GDE1: variants seen among roughly 807,000 people sequenced by gnomAD.
The protein encoded by GDE1 is RGS16-interacting membrane protein.
A neutral mutation model predicts 32.2 loss-of-function variants in GDE1; 24 were observed. The observed-to-expected ratio is 0.75, with a 90% CI of 0.54 to 1.05. GDE1 has a LOEUF of 1.05. Ranked by LOEUF, GDE1 falls within the 50% of genes least tolerant of loss-of-function variation. The pLI is 0.00. For synonymous variants in GDE1, 159 were observed against 158.6 expected, an observed-to-expected ratio of 1.00 and a Z score of -0.02; for missense variants, 380 against 415.0, an observed-to-expected ratio of 0.92 and a Z score of 0.73.
intron 2 of GDE1, among the ~76,000 whole-genome samples, chr16:19,516,237 T>C (rs558948090): frequency 6.6e-6 from 1 of 152,242 alleles, no homozygotes; most frequent in South Asian, 2.1e-4. Context: ...TTGAAAGACA[T>C]TGGGGGCAGC....
chr16:19,504,835 C>G, intron 5 of GDE1, 46 bp downstream of exon 5: 1 of 1,174,990 alleles, frequency 8.5e-7, no homozygotes, highest in Non-Finnish European at 1.2e-6. Flanking sequence ...CAAATAAGAG[C>G]ATTCAGGATG....
intron 4 of GDE1, among the ~76,000 whole-genome samples, chr16:19,506,193 A>G (rs1056281027): frequency 3.3e-5 from 5 of 152,098 alleles, no homozygotes; most frequent in African/African-American, 1.2e-4. Flanking sequence ...AAATAAAGAG[A>G]AAAAAATATT....
chr16:19,507,840 C>A, intron 3 of GDE1, 61 bp from the exon 4 acceptor site: 1 of 761,026 alleles, frequency 1.3e-6, no homozygotes, highest in South Asian at 1.6e-5. Context: ...TAGCCCCAGC[C>A]AATAACTATC....
Position 19,509,554 on chromosome 16 carries a change from C to T in GDE1, c.543+1285G>A, listed in dbSNP as rs1412270555. 5.3e-5 allele frequency among the ~76,000 whole-genome samples: 8 copies of T among 152,064 alleles called. No individual in the cohort carries two copies. The East Asian group carries it at 1.5e-3, about 29-fold the overall frequency. On this transcript the variant is annotated intron_variant, in intron 3 of 5. Transcript: ENST00000353258. ...AATTGGAAAACCTAGACGTATACAA[C>T]TATCGGTTTACTAGAATAATAAATT...
In GDE1 at chr16:19,521,909, A is replaced by T; in HGVS notation, c.56T>A (p.Leu19Gln). ...GLLGPFSFLL[L>Q]VLLLVTRSPV... ...GCTCCGCGTCACCAGCAGCAGCACT[A>T]GCAGCAGGAAGGAGAAAGGGCCCAG... The change falls in exon 1 of 6, where the codon CTA (leucine) becomes CAA (glutamine). Residue 19 changes from leucine (L) to glutamine (Q), a missense_variant. Physicochemically the swap from Leu to Gln is moderately radical, Grantham distance 113 (BLOSUM62 -2). Transcript: ENST00000353258. 6.3e-7 allele frequency: 1 copy of T among 1,594,668 alleles called. No individual in the cohort carries two copies. The highest frequency in any genetic ancestry group is 1.3e-5 in the African/African-American group (1 of 74,868).
At chr16:19,517,229 C>G (rs1597237421) in intron 1 of GDE1, 40 bp from the exon 2 acceptor site, 3 of 1,535,178 alleles carry the variant, frequency 2.0e-6, no homozygotes, top group Non-Finnish European at 2.7e-6. Flanking sequence ...CAAATGGCCA[C>G]AAACATTATT....
chr16:19,506,362 T>G (rs953798671), intron 4 of GDE1, among the ~76,000 whole-genome samples: 7 of 151,946 alleles, frequency 4.6e-5, no homozygotes, highest in African/African-American at 7.3e-5. Context: ...GTTTTAAGAT[T>G]TACAGTTGCC....
At chr16:19,508,174 C>A (rs1253793990) in intron 3 of GDE1, among the ~76,000 whole-genome samples, 2 of 152,092 alleles carry the variant, frequency 1.3e-5, no homozygotes, top group African/African-American at 4.8e-5. Context: ...GAAACATGAG[C>A]CAGCCAGTCT....
Position 19,503,558 on chromosome 16 carries a change from G to C in GDE1, c.908C>G (p.Thr303Ser), listed in dbSNP as rs758037720. The change falls in exon 6 of 6, where the codon ACC becomes AGC. Residue 303 changes from threonine (T) to serine (S), a missense_variant. Coordinates refer to ENST00000353258, the MANE Select transcript of GDE1 (RefSeq NM_016641.4). ...TTCGTAGTAACTCTTTTCATCAAAG[G>C]TATTAACAGTCCAACCAACAACCTG... is the stretch of plus-strand genomic sequence containing the variant. ...GIQVVGWTVNTFDEKSYYESH... is the reference protein window; with the variant it reads ...GIQVVGWTVNSFDEKSYYESH... 9.9e-6 allele frequency: 16 copies of C among 1,612,890 alleles called. No individual in the cohort carries two copies. In the South Asian group the frequency reaches 1.5e-4, roughly 15 times the overall value.
intron 5 of GDE1, 173 bp from the exon 6 acceptor site, chr16:19,503,790 C>T (rs1396618844): frequency 6.7e-6 from 4 of 593,576 alleles, no homozygotes; most frequent in African/African-American, 3.7e-5. Context: ...ATGCCATGAA[C>T]CTCCTCTACA....
chr16:19,510,340 A>G (rs1352301005), intron 3 of GDE1, among the ~76,000 whole-genome samples: 1 of 152,242 alleles, frequency 6.6e-6, no homozygotes, highest in Non-Finnish European at 1.5e-5. Context: ...TAAATTATAC[A>G]AAGGGATAAA....
Position 19,503,161 on chromosome 16 carries a change from C to T in GDE1, c.*309G>A, listed in dbSNP as rs7135. ...ATGCATTTACATCTGCATCTGCAAA[C>T]TGTACAATTCAATCTGTGCTTATCC... On this transcript the variant is annotated 3_prime_UTR_variant, in exon 6 of 6. Transcript: ENST00000353258. 0.66 allele frequency: 205,630 copies of T among 310,268 alleles called. 71,090 individuals are homozygous for T. Among genetic ancestry groups the T allele is most frequent in the South Asian group, 0.77 (10,290 of 13,404 alleles). 19.2% of individuals were successfully genotyped at this position (310,268 alleles called of 1,614,324 possible).
In GDE1 at chr16:19,507,766, A is replaced by G; in HGVS notation, c.557T>C (p.Leu186Pro). The change falls in exon 4 of 6, where the codon CTA becomes CCA. Residue 186 changes from leucine (L) to proline (P), a missense_variant. Physicochemically the swap from Leu to Pro is moderately conservative, Grantham distance 98. Transcript: ENST00000353258. Reference sequence around the variant, plus strand: ...AGGAAATTCCATATACATTTTCTTTAGAGCCTCAGTAGCCTGTAAAATAAA... The same window carrying G: ...AGGAAATTCCATATACATTTTCTTTGGAGCCTCAGTAGCCTGTAAAATAAA... ...KGHAHKATEA[L>P]KKMYMEFPQL... 2.7e-6 allele frequency: 4 copies of G among 1,502,542 alleles called. No individual in the cohort carries two copies. Among genetic ancestry groups the G allele is most frequent in the Non-Finnish European group, 3.7e-6 (4 of 1,079,816 alleles). 93.1% of individuals were successfully genotyped at this position (1,502,542 alleles called of 1,614,324 possible).
chr16:19,512,927 T>TTGTGTGTGTGTG (rs144957791), intron 2 of GDE1, among the ~76,000 whole-genome samples: 5,432 of 136,914 alleles, frequency 0.04, 128 homozygotes, highest in South Asian at 0.056. Context: ...TGTATCTGTT[T>TTGTGTGTGTGTG]TGTGTGTGTG....
At chr16:19,508,782 T>G (rs1392467985) in intron 3 of GDE1, among the ~76,000 whole-genome samples, 1 of 152,172 alleles carries the variant, frequency 6.6e-6, no homozygotes, top group African/African-American at 2.4e-5. Context: ...AAGGTTACCC[T>G]GTAGTAAGAG....
At chr16:19,520,635 G>A (rs1362169727) in intron 1 of GDE1, among the ~76,000 whole-genome samples, 1 of 151,354 alleles carries the variant, frequency 6.6e-6, no homozygotes, top group Non-Finnish European at 1.5e-5. Flanking sequence ...TGAGGCACGA[G>A]AATCGCTTGA....
rs754864187 is a variant in GDE1, at chr16:19,517,044, T to G, written c.407A>C (p.Lys136Thr). Reference protein sequence around the residue: ...LCDLTFEQIRKLNPAANHRLR... With the variant: ...LCDLTFEQIRTLNPAANHRLR... ...TCTGTGGTTTGCTGCAGGATTCAGCTTCCTAATTTGTTCAAATGTCAAATC... is the reference window on the plus strand; with the variant it reads ...TCTGTGGTTTGCTGCAGGATTCAGCGTCCTAATTTGTTCAAATGTCAAATC... The change falls in exon 2 of 6, where the codon AAG (lysine) becomes ACG (threonine). Residue 136 changes from lysine (K) to threonine (T), a missense_variant. Lys to Thr is a moderately conservative substitution (Grantham distance 78). Transcript: ENST00000353258. 40 of 1,614,062 alleles carry G rather than the reference T, an allele frequency of 2.5e-5. No homozygotes were observed. The highest frequency in any genetic ancestry group is 3.3e-5 in the Non-Finnish European group (39 of 1,180,030).
intron 4 of GDE1, among the ~76,000 whole-genome samples, chr16:19,506,641 AAAAC>A (rs145013764): frequency 0.045 from 6,918 of 152,278 alleles, 191 homozygotes; most frequent in African/African-American, 0.073. Flanking sequence ...CTCCGTCTCA[AAAAC>A]AAACAAAAAA....
chr16:19,519,082 C>T (rs1347711108), intron 1 of GDE1, among the ~76,000 whole-genome samples: 2 of 152,196 alleles, frequency 1.3e-5, no homozygotes, highest in African/African-American at 4.8e-5. Context: ...CCACCCTCCT[C>T]CAGACACAAA....
Sources: gnomAD v4.1 joint callset for allele counts (sites outside exome capture counted in the v4.1 genomes callset) on GRCh38, gnomAD v4.1.1 for gene constraint, MANE v1.5 for transcripts, NCBI Gene and HGNC (gene_info 2026-07-23, HGNC 2026-07-21) for gene names.